The following CYSLTR1 variants were observed in gnomAD, a reference collection of about 807,000 sequenced individuals.
The protein encoded by CYSLTR1 is cysteinyl leukotriene receptor 1, also known as G-protein coupled receptor HG55.
In CYSLTR1, 1 loss-of-function variant was observed where a neutral mutation model predicts 2.1. That is an observed-to-expected ratio of 0.48 (90% CI 0.17 to 2.28). The LOEUF is 2.28. CYSLTR1 is among the 30% of genes most tolerant of loss of function. The probability of loss-of-function intolerance (pLI) is 0.26; values close to 1 mark genes in which losing one functional copy is unlikely to be tolerated. For missense variants in CYSLTR1, 299 were observed against 250.1 expected (o/e 1.20, Z -1.32); for synonymous variants, 110 against 89.6 (o/e 1.23, Z -1.28).
At chrX:78,319,869 A>G (rs1373544911) in intron 1 of CYSLTR1, 2 of 111,912 alleles carry the variant, frequency 1.8e-5, no homozygotes, top group Non-Finnish European at 1.9e-5. Flanking sequence ...GCCAGTGATG[A>G]TGAGCATTTT....
In CYSLTR1 at chrX:78,294,039, G is replaced by A. The variant is rs184228455; in HGVS notation, c.-114-10499C>T. On this transcript the variant is annotated intron_variant, in intron 1 of 2. Transcript: ENST00000373304. ...TGTTCCATTGCTGGTGAGGAGCTGCGTTCCTTTGGAGGAGAGGAGGCGCTC... is the reference window on the plus strand; with the variant it reads ...TGTTCCATTGCTGGTGAGGAGCTGCATTCCTTTGGAGGAGAGGAGGCGCTC... 9.4e-3 allele frequency among the ~76,000 whole-genome samples: 1,056 copies of A among 112,256 alleles called. 12 individuals are homozygous for A. The highest frequency in any genetic ancestry group is 0.031 in the African/African-American group (969 of 30,931).
intron 1 of CYSLTR1, among the ~76,000 whole-genome samples, chrX:78,311,041 A>G (rs761829766): frequency 4.5e-5 from 5 of 111,023 alleles, no homozygotes; most frequent in Non-Finnish European, 9.4e-5. Context: ...AAGCTACTAC[A>G]GCATGCAGAG....
At chrX:78,309,673 GA>G (rs1923150693) in intron 1 of CYSLTR1, among the ~76,000 whole-genome samples, 1 of 111,883 alleles carries the variant, frequency 8.9e-6, no homozygotes, top group Non-Finnish European at 1.9e-5. Context: ...GTTACTCAGT[GA>G]AAGGAAGCTA....
chrX:78,323,305 C>T (rs1273304472), intron 1 of CYSLTR1, among the ~76,000 whole-genome samples: 2 of 112,103 alleles, frequency 1.8e-5, no homozygotes, highest in South Asian at 3.7e-4. Flanking sequence ...CTGAGGCCTG[C>T]TTCTATCATC....
At chrX:78,287,178 T>C (rs1175062881) in intron 1 of CYSLTR1, among the ~76,000 whole-genome samples, 1 of 112,110 alleles carries the variant, frequency 8.9e-6, no homozygotes, top group African/African-American at 3.2e-5. Flanking sequence ...ATCCAATTTA[T>C]CAACTTTTCT....
intron 2 of CYSLTR1, among the ~76,000 whole-genome samples, chrX:78,282,075 GC>G (rs1395775080): frequency 8.9e-6 from 1 of 111,790 alleles, no homozygotes; most frequent in African/African-American, 3.2e-5. Context: ...AGTGACATGT[GC>G]CATAAGCTTT....
At chrX:78,309,593 A>G (rs1280406402) in intron 1 of CYSLTR1, among the ~76,000 whole-genome samples, 1 of 111,641 alleles carries the variant, frequency 9.0e-6, no homozygotes, top group African/African-American at 3.3e-5. Context: ...CTGTGAGGTG[A>G]ACCAAGTCAC....
chrX:78,286,486 CTTTTA>C (rs975155283), intron 1 of CYSLTR1, among the ~76,000 whole-genome samples: 22 of 110,764 alleles, frequency 2.0e-4, no homozygotes, highest in African/African-American at 5.9e-4. Flanking sequence ...GTATGTTAAA[CTTTTA>C]TTTTATTTTA....
chrX:78,287,785 G>A (rs980973540), intron 1 of CYSLTR1, among the ~76,000 whole-genome samples: 1 of 111,204 alleles, frequency 9.0e-6, no homozygotes, highest in Non-Finnish European at 1.9e-5. Flanking sequence ...GAAGGGGAGA[G>A]CCCATAACTA....
chrX:78,296,971 A>G (rs1922600550), intron 1 of CYSLTR1, among the ~76,000 whole-genome samples: 2 of 111,298 alleles, frequency 1.8e-5, no homozygotes, highest in Admixed American at 1.9e-4. Context: ...TTTGTTCCAG[A>G]TCTTAGAGGA....
At chrX:78,301,403 T>C (rs956147693) in intron 1 of CYSLTR1, among the ~76,000 whole-genome samples, 2 of 112,329 alleles carry the variant, frequency 1.8e-5, no homozygotes, top group Non-Finnish European at 3.8e-5. Flanking sequence ...ACTTCTTGAA[T>C]GCTTTGCTGC....
At chrX:78,279,310 TCAAAA>T (rs1160351439) in intron 2 of CYSLTR1, among the ~76,000 whole-genome samples, 1 of 111,188 alleles carries the variant, frequency 9.0e-6, no homozygotes, top group Non-Finnish European at 1.9e-5. Flanking sequence ...CAGACACTTC[TCAAAA>T]CAAGACATAG....
intron 1 of CYSLTR1, among the ~76,000 whole-genome samples, chrX:78,305,078 A>C (rs1289027563): frequency 9.0e-6 from 1 of 111,519 alleles, no homozygotes; most frequent in Non-Finnish European, 1.9e-5. Flanking sequence ...CCATTTGTTC[A>C]TATCTTAGCT....
rs1390490788 is a variant in CYSLTR1, at chrX:78,283,776, C to T, written c.-114-236G>A. Among the ~76,000 whole-genome samples, 3 of 112,071 alleles carry T rather than the reference C, an allele frequency of 2.7e-5. No homozygotes were observed. The South Asian group carries it at 1.1e-3, about 41-fold the overall frequency. The stretch of plus-strand genomic sequence containing the variant: ...AAGGGCTCATCACAGATGTTTGCTG[C>T]TGTGTGCATGTAGCATCTGTATCTA... On this transcript the variant is annotated intron_variant, in intron 1 of 2. Transcript: ENST00000373304.
intron 2 of CYSLTR1, 50 bp from the exon 3 acceptor site, chrX:78,273,823 G>C: frequency 9.8e-7 from 1 of 1,015,444 alleles, no homozygotes; most frequent in South Asian, 2.4e-5. Context: ...ATAAATTACA[G>C]GAAGTACTAA....
At chrX:78,314,935 C>T (rs770403708) in intron 1 of CYSLTR1, among the ~76,000 whole-genome samples, 1 of 108,214 alleles carries the variant, frequency 9.2e-6, no homozygotes, top group African/African-American at 3.4e-5. Flanking sequence ...AGACACCAAC[C>T]AGGCCAAGAG....
intron 2 of CYSLTR1, among the ~76,000 whole-genome samples, chrX:78,275,427 T>C (rs1210684739): frequency 4.5e-5 from 5 of 111,281 alleles, no homozygotes; most frequent in African/African-American, 1.3e-4. Flanking sequence ...ATGTCCTTTG[T>C]AGGGACGTGG....
intron 2 of CYSLTR1, among the ~76,000 whole-genome samples, chrX:78,280,623 G>A (rs752273875): frequency 1.8e-4 from 20 of 110,078 alleles, no homozygotes; most frequent in African/African-American, 5.6e-4. Context: ...AGGTAAACTT[G>A]TGTCATGTGT....
chrX:78,327,594 C>T lies in CYSLTR1; in HGVS notation c.-404G>A, dbSNP rs1033630814. 8.9e-6 allele frequency: 1 copy of T among 111,916 alleles called. No individual in the cohort carries two copies. Among genetic ancestry groups the T allele is most frequent in the African/African-American group, 3.3e-5 (1 of 30,736 alleles). 9.2% of individuals were successfully genotyped at this position (111,916 alleles called of 1,213,427 possible). On this transcript the variant is annotated 5_prime_UTR_variant, in exon 1 of 3. Transcript: ENST00000373304. ...GATATACAGATTCTTCTTCCTCTTT[C>T]AGATTAGCCTTCAAACTGTTAAAGC... is the stretch of plus-strand genomic sequence containing the variant.
Sources: allele counts gnomAD v4.1 joint callset (sites outside exome capture counted in the v4.1 genomes callset), GRCh38; gene constraint gnomAD v4.1.1; transcripts MANE v1.5; gene names NCBI Gene and HGNC (gene_info 2026-07-23, HGNC 2026-07-21).